PPP3R1: variants seen among roughly 807,000 people sequenced by gnomAD.
PPP3R1 encodes the protein protein phosphatase 3 regulatory subunit B, alpha, also known as calcineurin subunit B type 1.
PPP3R1 carries 5 observed loss-of-function variants against 22.6 expected under a neutral mutation model. That is an observed-to-expected ratio of 0.22 (90% CI 0.12 to 0.46). The LOEUF (loss-of-function observed/expected upper bound fraction) is 0.46. Ranked by LOEUF, PPP3R1 falls within the 20% of genes least tolerant of loss-of-function variation. The probability of loss-of-function intolerance (pLI) is 0.99; values close to 1 mark genes in which losing one functional copy is unlikely to be tolerated. For synonymous variants in PPP3R1, 56 were observed against 65.2 expected, an observed-to-expected ratio of 0.86 and a Z score of 0.68; for missense variants, 61 against 203.2, an observed-to-expected ratio of 0.30 and a Z score of 4.25.
At chr2:68,242,846 T>C (rs548437885) in intron 1 of PPP3R1, among the ~76,000 whole-genome samples, 43 of 152,340 alleles carry the variant, frequency 2.8e-4, no homozygotes, top group African/African-American at 9.4e-4. Context: ...TACTAATGGA[T>C]AGCGCTAGTA....
intron 1 of PPP3R1, among the ~76,000 whole-genome samples, chr2:68,235,123 A>C (rs1381541256): frequency 6.6e-6 from 1 of 152,246 alleles, no homozygotes; most frequent in Non-Finnish European, 1.5e-5. Flanking sequence ...ATGGCTTAGC[A>C]GGAAAATGAA....
intron 1 of PPP3R1, among the ~76,000 whole-genome samples, chr2:68,229,707 C>A (rs933886313): frequency 4.6e-5 from 7 of 151,990 alleles, no homozygotes; most frequent in Admixed American, 1.3e-4. Flanking sequence ...TATAACCATA[C>A]CTGCTTTCTT....
At chr2:68,217,179 G>T in intron 1 of PPP3R1, 48 bp from the exon 2 acceptor site, 1 of 1,381,054 alleles carries the variant, frequency 7.2e-7, no homozygotes, top group Non-Finnish European at 1.0e-6. Flanking sequence ...GCACAAATTT[G>T]TTTAAAATAT....
chr2:68,190,335 C>T (rs991004930), intron 2 of PPP3R1, among the ~76,000 whole-genome samples: 3 of 148,144 alleles, frequency 2.0e-5, no homozygotes, highest in Non-Finnish European at 4.4e-5. Flanking sequence ...GAGGCCAAGG[C>T]GGGTGGATCA....
intron 1 of PPP3R1, among the ~76,000 whole-genome samples, chr2:68,228,596 A>C (rs1669829998): frequency 1.3e-5 from 2 of 152,104 alleles, no homozygotes; most frequent in South Asian, 4.1e-4. Flanking sequence ...GTTTTTGAAG[A>C]ATGAGCTTTT....
chr2:68,211,095 A>G (rs1248743743), intron 2 of PPP3R1, among the ~76,000 whole-genome samples: 1 of 152,168 alleles, frequency 6.6e-6, no homozygotes, highest in Non-Finnish European at 1.5e-5. Flanking sequence ...AAAACAACAC[A>G]TATACCTTAA....
At chr2:68,208,702 A>C (rs548517430) in intron 2 of PPP3R1, among the ~76,000 whole-genome samples, 1 of 152,254 alleles carries the variant, frequency 6.6e-6, no homozygotes, top group South Asian at 2.1e-4. Context: ...TGGGAGGCCA[A>C]GGAAGGTGGA....
intron 2 of PPP3R1, among the ~76,000 whole-genome samples, chr2:68,205,362 C>T (rs1384567486): frequency 6.6e-6 from 1 of 151,492 alleles, no homozygotes; most frequent in East Asian, 1.9e-4. Context: ...CCTGCCTCAG[C>T]CTCCCAAGTA....
At chr2:68,219,935 G>C (rs972514687) in intron 1 of PPP3R1, among the ~76,000 whole-genome samples, 1 of 152,176 alleles carries the variant, frequency 6.6e-6, no homozygotes, top group African/African-American at 2.4e-5. Context: ...TGAAGTTCAA[G>C]ATAGACTCCC....
At chr2:68,232,097 A>C (rs1669914107) in intron 1 of PPP3R1, among the ~76,000 whole-genome samples, 1 of 62,998 alleles carries the variant, frequency 1.6e-5, no homozygotes, top group Non-Finnish European at 2.7e-5. Flanking sequence ...CGTATCTACT[A>C]AAAAAAAAAA....
intron 1 of PPP3R1, among the ~76,000 whole-genome samples, chr2:68,244,784 A>G (rs1670203613): frequency 6.6e-6 from 1 of 152,130 alleles, no homozygotes; most frequent in African/African-American, 2.4e-5. Flanking sequence ...ACTGACACTC[A>G]CTGCCTTCAA....
chr2:68,241,876 G>A (rs1220820893), intron 1 of PPP3R1, among the ~76,000 whole-genome samples: 1 of 149,688 alleles, frequency 6.7e-6, no homozygotes, highest in South Asian at 2.1e-4. Context: ...TACTACCAAT[G>A]TAAGTTTCAT....
At chr2:68,212,685 T>C (rs565326785) in intron 2 of PPP3R1, among the ~76,000 whole-genome samples, 8 of 152,368 alleles carry the variant, frequency 5.3e-5, no homozygotes, top group Non-Finnish European at 8.8e-5. Flanking sequence ...CAGTAAACCA[T>C]GCTGTAAACA....
At chr2:68,245,722 T>A (rs534894879) in intron 1 of PPP3R1, among the ~76,000 whole-genome samples, 6 of 152,298 alleles carry the variant, frequency 3.9e-5, no homozygotes, top group South Asian at 4.1e-4. Flanking sequence ...CCTCATCTAG[T>A]TTCCACCCTT....
intron 1 of PPP3R1, among the ~76,000 whole-genome samples, chr2:68,232,145 A>G (rs1402386502): frequency 4.8e-5 from 5 of 105,170 alleles, no homozygotes; most frequent in Non-Finnish European, 9.7e-5. Context: ...ACACATATAT[A>G]TGTATATATA....
intron 2 of PPP3R1, among the ~76,000 whole-genome samples, chr2:68,211,695 C>A (rs1247863537): frequency 6.6e-6 from 1 of 152,198 alleles, no homozygotes; most frequent in African/African-American, 2.4e-5. Context: ...TCAAACCCTG[C>A]TGCTGCTTTA....
At chr2:68,225,157 T>A (rs1198434779) in intron 1 of PPP3R1, among the ~76,000 whole-genome samples, 1 of 152,192 alleles carries the variant, frequency 6.6e-6, no homozygotes, top group Non-Finnish European at 1.5e-5. Context: ...AATTACTAAA[T>A]CAAACACTCA....
intron 5 of PPP3R1, among the ~76,000 whole-genome samples, chr2:68,185,212 C>T (rs1311085912): frequency 4.2e-5 from 6 of 141,476 alleles, no homozygotes; most frequent in African/African-American, 1.3e-4. Flanking sequence ...AGTGAGACTC[C>T]GTTTCAAAAA....
intron 2 of PPP3R1, among the ~76,000 whole-genome samples, chr2:68,203,936 G>A (rs1675049351): frequency 1.3e-5 from 2 of 152,108 alleles, no homozygotes; most frequent in South Asian, 2.1e-4. Flanking sequence ...AAAGAGAGAT[G>A]AGACATCTTT....
Sources: allele counts gnomAD v4.1 joint callset (sites outside exome capture counted in the v4.1 genomes callset), GRCh38; gene constraint gnomAD v4.1.1; transcripts MANE v1.5; gene names NCBI Gene and HGNC (gene_info 2026-07-23, HGNC 2026-07-21).